ADAMTSL1: variants seen among roughly 807,000 people sequenced by gnomAD.
The protein encoded by ADAMTSL1 is ADAMTS-like protein 1.
A neutral mutation model predicts 201.8 loss-of-function variants in ADAMTSL1; 126 were observed. The observed-to-expected ratio is 0.62, with a 90% CI of 0.54 to 0.72. The LOEUF (loss-of-function observed/expected upper bound fraction) is 0.72, where lower values mean the gene tolerates loss of function less well. ADAMTSL1 is among the 30% of genes least tolerant of loss of function. The probability of loss-of-function intolerance (pLI) is 0.00; values close to 1 mark genes in which losing one functional copy is unlikely to be tolerated. For missense variants in ADAMTSL1, 2,679 were observed against 2,277.8 expected (o/e 1.18, Z -3.59); for synonymous variants, 1,121 against 903.4 (o/e 1.24, Z -4.32).
chr9:18,861,966 A>G (rs1184681212), intron 23 of ADAMTSL1, among the ~76,000 whole-genome samples: 1 of 152,124 alleles, frequency 6.6e-6, no homozygotes, highest in East Asian at 1.9e-4. Flanking sequence ...CTCAAGACCC[A>G]GGAGACTAAT....
intron 2 of ADAMTSL1, among the ~76,000 whole-genome samples, chr9:18,240,280 C>G (rs1035222434): frequency 8.5e-5 from 13 of 152,126 alleles, no homozygotes; most frequent in Admixed American, 2.0e-4. Context: ...CCTTACATCT[C>G]TATCAGAACT....
chr9:18,294,333 A>G lies in ADAMTSL1; in HGVS notation c.207+130352A>G, dbSNP rs1390165579. 2.6e-5 allele frequency among the ~76,000 whole-genome samples: 4 copies of G among 152,340 alleles called. No homozygotes were observed. In the East Asian group the frequency reaches 5.8e-4, roughly 22 times the overall value. ...GAAATAAAAGGAAGTTCTTCCTTGA[A>G]TTGCTTTTCCTGCATCTACTTATTG... On this transcript the variant is annotated intron_variant, in intron 2 of 29. Coordinates refer to the ADAMTSL1 transcript ENST00000680146.
chr9:18,345,514 G>A (rs1046525004), intron 2 of ADAMTSL1, among the ~76,000 whole-genome samples: 1 of 152,164 alleles, frequency 6.6e-6, no homozygotes, highest in African/African-American at 2.4e-5. Flanking sequence ...GACATTTTCA[G>A]TGATCGAGAA....
chr9:18,291,230 A>G (rs13285950), intron 2 of ADAMTSL1, among the ~76,000 whole-genome samples: 8,225 of 152,296 alleles, frequency 0.054, 286 homozygotes, highest in Non-Finnish European at 0.075. Flanking sequence ...ACTAAATCCT[A>G]AGAACTAAAA....
At chr9:18,032,820 G>T (rs1462935781) in intron 1 of ADAMTSL1, among the ~76,000 whole-genome samples, 2 of 152,134 alleles carry the variant, frequency 1.3e-5, no homozygotes, top group Admixed American at 6.5e-5. Flanking sequence ...GTTTTTTGGA[G>T]TTCCTTTACT....
At chr9:18,725,328 C>G (rs780548758) in intron 15 of ADAMTSL1, among the ~76,000 whole-genome samples, 22 of 152,078 alleles carry the variant, frequency 1.4e-4, no homozygotes, top group Admixed American at 1.3e-4. Context: ...TAGGCATTAC[C>G]CAGGGAGGAA....
intron 1 of ADAMTSL1, among the ~76,000 whole-genome samples, chr9:17,950,550 A>T (rs1827695121): frequency 6.6e-6 from 1 of 151,378 alleles, no homozygotes; most frequent in South Asian, 2.1e-4. Flanking sequence ...TATATTATAT[A>T]TGCTACATAA....
chr9:18,742,826 C>T (rs149067282), intron 15 of ADAMTSL1, among the ~76,000 whole-genome samples: 1 of 152,274 alleles, frequency 6.6e-6, no homozygotes, highest in East Asian at 1.9e-4. Flanking sequence ...TAGAGACAAA[C>T]TGCAATAAAA....
At chr9:17,964,003 T>C (rs2131406388) in intron 1 of ADAMTSL1, among the ~76,000 whole-genome samples, 1 of 152,268 alleles carries the variant, frequency 6.6e-6, no homozygotes, top group Non-Finnish European at 1.5e-5. Context: ...TTTAGTGCAA[T>C]ATATGGCACC....
At chr9:18,171,813 G>C (rs1476795460) in intron 2 of ADAMTSL1, among the ~76,000 whole-genome samples, 1 of 152,038 alleles carries the variant, frequency 6.6e-6, no homozygotes, top group Admixed American at 6.6e-5. Flanking sequence ...ATGGTTTTAG[G>C]TCTTACGTTT....
chr9:18,905,672 G>A, intron 26 of ADAMTSL1, 110 bp from the exon 27 acceptor site: 1 of 753,040 alleles, frequency 1.3e-6, no homozygotes, highest in Non-Finnish European at 2.3e-6. Flanking sequence ...TGGTCTGAGA[G>A]CCTCCAACAA....
intron 4 of ADAMTSL1, among the ~76,000 whole-genome samples, chr9:18,581,264 C>A (rs1232823394): frequency 6.6e-6 from 1 of 152,158 alleles, no homozygotes; most frequent in African/African-American, 2.4e-5. Flanking sequence ...CTTATAAGGA[C>A]AGCAATCATA....
intron 2 of ADAMTSL1, among the ~76,000 whole-genome samples, chr9:18,279,152 G>C (rs1199049565): frequency 2.0e-5 from 3 of 151,988 alleles, no homozygotes. Context: ...TTGTCCCTCA[G>C]TATACATGAG....
rs146130299 is a variant in ADAMTSL1 at position 18,345,883 on chromosome 9, A to G, written c.208-158946A>G. Among the ~76,000 whole-genome samples the G allele has an allele frequency of 9.2e-4, 139 of 151,794 alleles. 1 individual carries two copies. Among genetic ancestry groups the G allele is most frequent in the African/African-American group, 2.8e-3 (115 of 41,442 alleles). On this transcript the variant is annotated intron_variant, in intron 2 of 29. Coordinates refer to the ADAMTSL1 transcript ENST00000680146. The stretch of plus-strand genomic sequence containing the variant: ...ATGTGACAGGTGATACCCCAAATCA[A>G]TGATGAGGAATTGAACATGGAGATC...
chr9:18,722,830 A>G (rs1008844287), intron 15 of ADAMTSL1, among the ~76,000 whole-genome samples: 3 of 152,222 alleles, frequency 2.0e-5, no homozygotes, highest in Non-Finnish European at 4.4e-5. Flanking sequence ...CCATGAGAAC[A>G]GCAGTCAACA....
intron 1 of ADAMTSL1, among the ~76,000 whole-genome samples, chr9:18,043,303 C>CT (rs1460844676): frequency 1.3e-5 from 2 of 152,056 alleles, no homozygotes; most frequent in Non-Finnish European, 2.9e-5. Flanking sequence ...CAGGAAGCTG[C>CT]TGCACTTTGG....
upstream of ADAMTSL1, chr9:18,474,118 T>G (rs1821331367): frequency 6.9e-6 from 6 of 868,546 alleles, no homozygotes; most frequent in South Asian, 9.4e-5. Flanking sequence ...GAGGGGCTGA[T>G]GGAAGCTGAT....
chr9:18,804,462 G>C (rs1425344525), intron 20 of ADAMTSL1, among the ~76,000 whole-genome samples: 6 of 152,136 alleles, frequency 3.9e-5, no homozygotes, highest in Non-Finnish European at 8.8e-5. Context: ...AAATGCAAAA[G>C]ACATTGGGAA....
intron 2 of ADAMTSL1, among the ~76,000 whole-genome samples, chr9:18,506,625 T>A (rs35245238): frequency 3.3e-5 from 5 of 152,066 alleles, no homozygotes; most frequent in Non-Finnish European, 7.4e-5. Context: ...CCTAGTAAGT[T>A]AAAGGTCTAG....
Sources: gnomAD v4.1 joint callset for allele counts (sites outside exome capture counted in the v4.1 genomes callset) on GRCh38, gnomAD v4.1.1 for gene constraint, MANE v1.5 for transcripts, NCBI Gene and HGNC (gene_info 2026-07-23, HGNC 2026-07-21) for gene names.